GABBR2: variants seen among roughly 807,000 people sequenced by gnomAD.
The protein encoded by GABBR2 is G-protein coupled receptor 51.
Under a neutral mutation model 105.6 loss-of-function variants are expected in GABBR2, and 23 were observed. That is an observed-to-expected ratio of 0.22 (90% confidence interval 0.16 to 0.31). The LOEUF is 0.31. GABBR2 is among the 10% of genes least tolerant of loss of function. GABBR2 has a pLI of 1.00. For missense variants in GABBR2, 734 were observed against 1,245.5 expected (o/e 0.59, Z 6.18); for synonymous variants, 478 against 499.7 (o/e 0.96, Z 0.58).
chr9:98,666,097 A>G (rs1333457595), intron 1 of GABBR2, among the ~76,000 whole-genome samples: 1 of 152,212 alleles, frequency 6.6e-6, no homozygotes, highest in Non-Finnish European at 1.5e-5. Context: ...TCACATGACT[A>G]TGGAGCCTCT....
At chr9:98,312,664 G>T (rs1830653721) in intron 13 of GABBR2, among the ~76,000 whole-genome samples, 1 of 152,192 alleles carries the variant, frequency 6.6e-6, no homozygotes, top group Non-Finnish European at 1.5e-5. Context: ...CTGCAAAATG[G>T]TGATTTTCTA....
chr9:98,643,641 A>G (rs145377925), intron 1 of GABBR2, among the ~76,000 whole-genome samples: 35 of 152,266 alleles, frequency 2.3e-4, no homozygotes, highest in Middle Eastern at 3.4e-3. Context: ...CTGGAAAGAA[A>G]CCCATATTTT....
intron 13 of GABBR2, among the ~76,000 whole-genome samples, chr9:98,340,836 G>A (rs1048675092): frequency 2.0e-5 from 3 of 152,186 alleles, no homozygotes; most frequent in African/African-American, 7.2e-5. Context: ...GTGGCATTGG[G>A]TTAAAAATAA....
At chr9:98,421,919 A>T (rs956883825) in intron 7 of GABBR2, among the ~76,000 whole-genome samples, 1 of 152,252 alleles carries the variant, frequency 6.6e-6, no homozygotes, top group Non-Finnish European at 1.5e-5. Context: ...CCAGAGGCAG[A>T]ACTTCTCAAA....
At chr9:98,447,913 T>C (rs1295987547) in intron 7 of GABBR2, among the ~76,000 whole-genome samples, 7 of 152,120 alleles carry the variant, frequency 4.6e-5, no homozygotes, top group Non-Finnish European at 1.0e-4. Flanking sequence ...TTAAGGGGTA[T>C]ACTGGCTAAG....
chr9:98,696,259 C>G (rs552928349), intron 1 of GABBR2, among the ~76,000 whole-genome samples: 1 of 152,350 alleles, frequency 6.6e-6, no homozygotes, highest in South Asian at 2.1e-4. Flanking sequence ...TGCAAAGGCC[C>G]TGTGCAGGGA....
At chr9:98,664,453 A>G (rs1830307813) in intron 1 of GABBR2, among the ~76,000 whole-genome samples, 3 of 152,248 alleles carry the variant, frequency 2.0e-5, no homozygotes, top group South Asian at 4.1e-4. Context: ...ACTCAGGTAC[A>G]CGATATGTGG....
chr9:98,677,695 C>T (rs942202421), intron 1 of GABBR2, among the ~76,000 whole-genome samples: 1 of 152,120 alleles, frequency 6.6e-6, no homozygotes, highest in African/African-American at 2.4e-5. Flanking sequence ...CTTGACCCTG[C>T]CCCACTCCAT....
chr9:98,358,027 G>A (rs115569623), intron 13 of GABBR2, among the ~76,000 whole-genome samples: 91 of 152,332 alleles, frequency 6.0e-4, no homozygotes, highest in African/African-American at 2.2e-3. Flanking sequence ...CCAAACTGAT[G>A]TGTATGGCTG....
chr9:98,646,089 G>A (rs1260793286), intron 1 of GABBR2, among the ~76,000 whole-genome samples: 1 of 152,066 alleles, frequency 6.6e-6, no homozygotes, highest in Non-Finnish European at 1.5e-5. Flanking sequence ...GTCTGAGACT[G>A]TGTCCCTAGA....
At chr9:98,506,940 G>A (rs1264059581) in intron 3 of GABBR2, among the ~76,000 whole-genome samples, 1 of 152,162 alleles carries the variant, frequency 6.6e-6, no homozygotes, top group East Asian at 1.9e-4. Flanking sequence ...CAGGGAGGCT[G>A]TAGGCTGCTC....
intron 13 of GABBR2, among the ~76,000 whole-genome samples, chr9:98,361,603 C>T (rs549744831): frequency 3.3e-5 from 5 of 152,138 alleles, no homozygotes; most frequent in African/African-American, 1.2e-4. Context: ...GACCAGATGT[C>T]CCCCCGTCCA....
intron 1 of GABBR2, among the ~76,000 whole-genome samples, chr9:98,581,675 G>A (rs964829250): frequency 2.0e-5 from 3 of 151,676 alleles, no homozygotes; most frequent in Admixed American, 1.3e-4. Context: ...TTTCTACCAT[G>A]ATTTTTTTTT....
intron 3 of GABBR2, among the ~76,000 whole-genome samples, chr9:98,521,234 A>T (rs974274826): frequency 1.3e-5 from 2 of 152,214 alleles, no homozygotes; most frequent in Admixed American, 1.3e-4. Context: ...ACCAACTTTG[A>T]GGAATTTCTG....
chr9:98,298,617 G>A (rs188648520), intron 17 of GABBR2, among the ~76,000 whole-genome samples: 1 of 151,988 alleles, frequency 6.6e-6, no homozygotes, highest in Non-Finnish European at 1.5e-5. Flanking sequence ...ATGGTTTGTG[G>A]TTTTTTTTAA....
rs372464113 is a variant in GABBR2 at position 98,621,193 on chromosome 9, C to T, written c.322-43121G>A. ...GTGGGCCACGTGGGGACAATTATCCCCACCTTAGAGAGGGGACTCAAGGCT... is the reference window on the plus strand; with the variant it reads ...GTGGGCCACGTGGGGACAATTATCCTCACCTTAGAGAGGGGACTCAAGGCT... On this transcript the variant is annotated intron_variant, in intron 1 of 18. Coordinates refer to ENST00000259455, the MANE Select transcript of GABBR2 (RefSeq NM_005458.8). 2.6e-4 allele frequency among the ~76,000 whole-genome samples: 39 copies of T among 152,260 alleles called. 2 individuals are homozygous for T. In the South Asian group the frequency reaches 8.1e-3, roughly 32 times the overall value.
chr9:98,624,101 A>G (rs1328846050), intron 1 of GABBR2, among the ~76,000 whole-genome samples: 2 of 152,166 alleles, frequency 1.3e-5, no homozygotes, highest in Non-Finnish European at 2.9e-5. Context: ...ATTTGGCTGG[A>G]GAGCCAAGGA....
At chr9:98,657,912 T>C (rs28610371) in intron 1 of GABBR2, among the ~76,000 whole-genome samples, 85 of 152,160 alleles carry the variant, frequency 5.6e-4, no homozygotes, top group African/African-American at 2.0e-3. Flanking sequence ...TGACTGTAAG[T>C]TTCCCGAGGC....
chr9:98,294,474 T>A (rs1361425673), intron 17 of GABBR2, among the ~76,000 whole-genome samples: 1 of 151,928 alleles, frequency 6.6e-6, no homozygotes, highest in Non-Finnish European at 1.5e-5. Flanking sequence ...CAAAGATATA[T>A]ACAAGATGTT....
Sources: gnomAD v4.1 joint callset for allele counts (sites outside exome capture counted in the v4.1 genomes callset) on GRCh38, gnomAD v4.1.1 for gene constraint, MANE v1.5 for transcripts, NCBI Gene and HGNC (gene_info 2026-07-23, HGNC 2026-07-21) for gene names.